GABRG3: variants seen among roughly 807,000 people sequenced by gnomAD.
GABRG3 encodes the protein gamma-aminobutyric acid type A receptor subunit gamma3.
GABRG3 carries 25 observed loss-of-function variants against 48.8 expected under a neutral mutation model. That is an observed-to-expected ratio of 0.51 (90% CI 0.37 to 0.72). The LOEUF is 0.72. GABRG3 is among the 30% of genes least tolerant of loss of function. GABRG3 has a pLI of 0.00. For synonymous variants in GABRG3, 227 were observed against 217.6 expected (o/e 1.04, Z -0.38); for missense variants, 394 against 577.9 (o/e 0.68, Z 3.26).
chr15:27,438,697 C>G (rs1427573429), intron 5 of GABRG3, among the ~76,000 whole-genome samples: 6 of 152,226 alleles, frequency 3.9e-5, no homozygotes, highest in African/African-American at 1.4e-4. Flanking sequence ...CTGATGCACA[C>G]TTCCAGAAGA....
rs183642226 is a variant in GABRG3, at chr15:27,367,869, T to G, written c.574+38981T>G. On this transcript the variant is annotated intron_variant, in intron 5 of 9. Transcript: ENST00000615808. ...AGTCTAGATGTGAGAGAAGACAAAT[T>G]GGACCACTGTGATAAGGTGTGTTTT... Among the ~76,000 whole-genome samples, 31 of 152,280 alleles carry G rather than the reference T, an allele frequency of 2.0e-4. 1 individual carries two copies. The Middle Eastern group carries it at 0.02, about 100-fold the overall frequency.
intron 2 of GABRG3, among the ~76,000 whole-genome samples, chr15:27,009,136 G>A (rs886364078): frequency 2.0e-5 from 3 of 152,262 alleles, no homozygotes; most frequent in East Asian, 1.9e-4. Context: ...CCTGAGCATC[G>A]ACACATACTC....
intron 5 of GABRG3, among the ~76,000 whole-genome samples, chr15:27,348,948 G>A (rs1260801087): frequency 6.6e-6 from 1 of 152,182 alleles, no homozygotes; most frequent in Non-Finnish European, 1.5e-5. Flanking sequence ...AAATCAGCGT[G>A]TAGTGGGACA....
In GABRG3 at chr15:27,102,158, G is replaced by A. The variant is rs546681821; in HGVS notation, c.270+75337G>A. On this transcript the variant is annotated intron_variant, in intron 3 of 9. Transcript: ENST00000615808. ...TGAGCTCTGTGTTTCAGCAAGGCCC[G>A]GGAGTCCCATTACACACATGGGCTG... Among the ~76,000 whole-genome samples, 17 of 152,310 alleles carry A rather than the reference G, an allele frequency of 1.1e-4. No homozygotes were observed. The East Asian group carries it at 2.5e-3, about 22-fold the overall frequency.
In GABRG3 at chr15:27,539,545, T is replaced by C. The variant is rs747499186; in HGVS notation, c.*6664T>C. 6.6e-6 allele frequency: 1 copy of C among 152,234 alleles called. No homozygotes were observed. The highest frequency in any genetic ancestry group is 1.5e-5 in the Non-Finnish European group (1 of 68,044). The allele number at this position is 152,234 out of a possible 1,614,324, so 9.4% of individuals were successfully genotyped here. A position where few individuals can be genotyped will look rare whatever the true frequency, so the allele number is the denominator to read the frequency against. On this transcript the variant is annotated 3_prime_UTR_variant, in exon 10 of 10. Transcript: ENST00000615808. ...CCAATTTTCAGGAGCAAATGATGACTGCTTTGATTTGGTTAGGCTTTCTTA... is the reference window on the plus strand; with the variant it reads ...CCAATTTTCAGGAGCAAATGATGACCGCTTTGATTTGGTTAGGCTTTCTTA...
intron 3 of GABRG3, among the ~76,000 whole-genome samples, chr15:27,081,494 A>G (rs1224826085): frequency 2.0e-5 from 3 of 152,338 alleles, no homozygotes; most frequent in Non-Finnish European, 4.4e-5. Context: ...GAATAGAAAT[A>G]CATTCATTGA....
chr15:27,339,516 G>A (rs913521343), intron 5 of GABRG3, among the ~76,000 whole-genome samples: 6 of 152,184 alleles, frequency 3.9e-5, no homozygotes, highest in Non-Finnish European at 8.8e-5. Context: ...CTTGCTTCCC[G>A]TTACTGTAGA....
chr15:27,254,473 A>G (rs1890551853), intron 3 of GABRG3, among the ~76,000 whole-genome samples: 2 of 152,126 alleles, frequency 1.3e-5, no homozygotes. Context: ...GGGCTGCAGT[A>G]ACAACATACT....
intron 2 of GABRG3, among the ~76,000 whole-genome samples, chr15:27,016,776 C>G (rs189735267): frequency 6.6e-6 from 1 of 152,248 alleles, no homozygotes. Context: ...GCTCTCTCTG[C>G]TTTGCTTCAC....
intron 6 of GABRG3, among the ~76,000 whole-genome samples, chr15:27,512,250 A>C (rs11074287): frequency 0.54 from 82,682 of 151,866 alleles, 22,729 homozygotes; most frequent in East Asian, 0.68. Flanking sequence ...TTATTATTAC[A>C]ATAATCAAGT....
At chr15:27,265,487 G>A (rs1342495023) in intron 3 of GABRG3, among the ~76,000 whole-genome samples, 1 of 152,156 alleles carries the variant, frequency 6.6e-6, no homozygotes, top group Non-Finnish European at 1.5e-5. Context: ...ACAGCAAAGG[G>A]TGGGTACCTG....
chr15:27,203,291 G>A (rs560181373), intron 3 of GABRG3, among the ~76,000 whole-genome samples: 281 of 152,214 alleles, frequency 1.8e-3, no homozygotes, highest in Non-Finnish European at 3.4e-3. Flanking sequence ...GTGATAACAC[G>A]CAGTATTTAG....
intron 3 of GABRG3, among the ~76,000 whole-genome samples, chr15:27,155,876 A>C (rs1299948611): frequency 6.6e-6 from 1 of 152,112 alleles, no homozygotes; most frequent in African/African-American, 2.4e-5. Flanking sequence ...ACCTTAGTTG[A>C]GGGATGGATG....
chr15:27,299,183 C>G (rs559408444), intron 3 of GABRG3, among the ~76,000 whole-genome samples: 29 of 152,114 alleles, frequency 1.9e-4, no homozygotes, highest in Admixed American at 5.9e-4. Flanking sequence ...ACTCAGGAGG[C>G]TGAGGTAGGA....
At position 27,006,810 on chromosome 15, in the gene GABRG3, T is replaced by C. The variant is rs1036138876; in HGVS notation, c.203-19944T>C. Reference sequence around the variant, plus strand: ...CTTAGGATAATGGTCTCCAACTCTATGTTGTTGTAAAGGACATGATCTCGT... The same window carrying C: ...CTTAGGATAATGGTCTCCAACTCTACGTTGTTGTAAAGGACATGATCTCGT... On this transcript the variant is annotated intron_variant, in intron 2 of 9. Transcript: ENST00000615808. Among the ~76,000 whole-genome samples, 5 of 152,064 alleles carry C rather than the reference T, an allele frequency of 3.3e-5. No individual in the cohort carries two copies. In the East Asian group the frequency reaches 7.7e-4, roughly 24 times the overall value.
intron 5 of GABRG3, among the ~76,000 whole-genome samples, chr15:27,337,444 C>A (rs1206879839): frequency 6.6e-6 from 1 of 152,060 alleles, no homozygotes; most frequent in African/African-American, 2.4e-5. Context: ...AATAAAATAG[C>A]CTGAGATATT....
intron 5 of GABRG3, among the ~76,000 whole-genome samples, chr15:27,333,648 G>T (rs957741231): frequency 2.0e-5 from 3 of 152,134 alleles, no homozygotes; most frequent in Non-Finnish European, 4.4e-5. Context: ...CAGGTTCTGG[G>T]GTTGAGCAAG....
intron 3 of GABRG3, among the ~76,000 whole-genome samples, chr15:27,191,048 C>G (rs1442364986): frequency 6.6e-6 from 1 of 152,186 alleles, no homozygotes; most frequent in Non-Finnish European, 1.5e-5. Context: ...GAGTGAATTT[C>G]TTAATCCTGA....
intron 5 of GABRG3, among the ~76,000 whole-genome samples, chr15:27,436,968 C>A (rs1280387624): frequency 1.5e-5 from 2 of 129,704 alleles, no homozygotes; most frequent in Non-Finnish European, 3.1e-5. Flanking sequence ...TGCACTCCAG[C>A]CTGGGTGAGA....
Sources: gnomAD v4.1 joint callset for allele counts (sites outside exome capture counted in the v4.1 genomes callset) on GRCh38, gnomAD v4.1.1 for gene constraint, MANE v1.5 for transcripts, NCBI Gene and HGNC (gene_info 2026-07-23, HGNC 2026-07-21) for gene names.